Variants in GBF1 observed in about 807,000 individuals in gnomAD.
GBF1 encodes golgi brefeldin A resistant guanine nucleotide exchange factor 1.
GBF1 carries 114 observed loss-of-function variants against 210.5 expected under a neutral mutation model. The ratio of observed to expected loss-of-function variants is 0.54; its 90% CI spans 0.47 to 0.63. The LOEUF (loss-of-function observed/expected upper bound fraction) is 0.63. Among genes scored for constraint, GBF1 ranks in the 30% least tolerant of loss-of-function variants. GBF1 has a pLI of 0.00. For synonymous variants in GBF1, 850 were observed against 889.2 expected (o/e 0.96, Z 0.78); for missense variants, 1,851 against 2,357.7 (o/e 0.79, Z 4.45).
intron 4 of GBF1, among the ~76,000 whole-genome samples, chr10:102,346,425 T>C (rs1384948886): frequency 2.0e-5 from 3 of 152,256 alleles, no homozygotes; most frequent in Admixed American, 6.5e-5. Context: ...CCAGCAGTGA[T>C]TGAGAATTTC....
the GBF1 span, chr10:102,230,680 G>A: frequency 1.3e-6 from 2 of 1,580,058 alleles, no homozygotes; most frequent in Non-Finnish European, 1.7e-6. Flanking sequence ...AGAGGCGGCA[G>A]CCGCGGCGGC....
the GBF1 span, chr10:102,232,085 G>C: frequency 6.4e-7 from 1 of 1,554,508 alleles, no homozygotes; most frequent in Non-Finnish European, 8.8e-7. Context: ...CTCCATGGAG[G>C]GAGGGCTCTG....
intron 3 of GBF1, among the ~76,000 whole-genome samples, chr10:102,292,135 C>T (rs772069647): frequency 4.0e-5 from 6 of 151,816 alleles, no homozygotes; most frequent in Non-Finnish European, 7.4e-5. Flanking sequence ...GTGATCTGCC[C>T]GCCTCGGCCT....
chr10:102,353,982 A>G (rs938587018), intron 8 of GBF1, among the ~76,000 whole-genome samples: 1 of 152,194 alleles, frequency 6.6e-6, no homozygotes, highest in Non-Finnish European at 1.5e-5. Flanking sequence ...ACTTAGCCTT[A>G]TCCGCAGGTA....
In GBF1 at chr10:102,358,163, C is replaced by G. The variant is rs1324449144; in HGVS notation, c.764C>G (p.Thr255Ser). Residue 255 changes from threonine (T) to serine (S), a missense_variant, in exon 9 of 40, where the codon ACC (threonine) becomes AGC (serine). Transcript: ENST00000369983. ...PGSELPTPNG[T>S]TLSSNLTGGM... ...TCAGAGCTGCCCACTCCCAATGGAA[C>G]CACCTTATCATCTAACCTCACTGGT... 3.0e-5 allele frequency: 49 copies of G among 1,613,724 alleles called. No individual in the cohort carries two copies. The highest frequency in any genetic ancestry group is 4.2e-5 in the Non-Finnish European group (49 of 1,179,716).
intron 3 of GBF1, among the ~76,000 whole-genome samples, chr10:102,303,477 A>G (rs1038682273): frequency 6.6e-6 from 1 of 152,202 alleles, no homozygotes; most frequent in Admixed American, 6.5e-5. Flanking sequence ...TCTCCTAGAA[A>G]AAGCCTTACA....
rs1166402954 is a variant in GBF1, at chr10:102,363,783, T to C, written c.2091T>C (p.Ile697=). The part of the protein sequence containing the change: ...LLPDPRELIE[I]KNKKKLLITG... ...CAGATCCACGGGAACTAATTGAAAT[T>C]AAAAACAAAAAGAAGGTACATACAT... is the stretch of plus-strand genomic sequence containing the variant. Residue 697 remains isoleucine, a synonymous_variant, in exon 17 of 40, where the codon ATT becomes ATC. Coordinates refer to ENST00000369983, the MANE Select transcript of GBF1 (RefSeq NM_001377137.1). This position sits in a 1 kb window ranked among gnomAD's most constrained non-coding sequence, Gnocchi z 4.2. 6.2e-7 allele frequency: 1 copy of C among 1,608,020 alleles called. No homozygotes were observed. Among genetic ancestry groups the C allele is most frequent in the South Asian group, 1.1e-5 (1 of 90,932 alleles).
chr10:102,375,513 A>C lies in GBF1; in HGVS notation c.3815A>C (p.Glu1272Ala). Residue 1272 changes from glutamate to alanine, a missense_variant, in exon 30 of 40, where the codon GAG becomes GCG. By Grantham distance (107) the Glu-to-Ala change is moderately radical (BLOSUM62 -1). Transcript: ENST00000369983. ...TGGGCCACACTCTTCACACTGCTGGAGTGCATCGGCTCAGGTGTGAAGCCT... is the reference window on the plus strand; with the variant it reads ...TGGGCCACACTCTTCACACTGCTGGCGTGCATCGGCTCAGGTGTGAAGCCT... ...DDWATLFTLL[E>A]CIGSGVKPPA... is the part of the protein sequence containing the mutation. 9 of 1,614,076 alleles carry C rather than the reference A, an allele frequency of 5.6e-6. No individual in the cohort carries two copies. The highest frequency in any genetic ancestry group is 7.6e-6 in the Non-Finnish European group (9 of 1,179,920).
At chr10:102,321,515 T>A (rs2056394020) in intron 3 of GBF1, among the ~76,000 whole-genome samples, 1 of 152,238 alleles carries the variant, frequency 6.6e-6, no homozygotes, top group African/African-American at 2.4e-5. Context: ...GATTTATTTG[T>A]TGTAGTATTA....
upstream of GBF1, among the ~76,000 whole-genome samples, chr10:102,241,114 G>A (rs1195115473): frequency 6.6e-6 from 1 of 152,082 alleles, no homozygotes; most frequent in Non-Finnish European, 1.5e-5. The surrounding 1 kb of genome is among the most constrained non-coding windows in gnomAD (Gnocchi z 6.7). Flanking sequence ...GCTTCGTTCC[G>A]GATCCTCTGA....
chr10:102,275,634 T>C (rs576177440), intron 3 of GBF1, among the ~76,000 whole-genome samples: 48 of 152,352 alleles, frequency 3.2e-4, no homozygotes, highest in African/African-American at 1.1e-3. Flanking sequence ...TATCGTGTTC[T>C]GAATTTAAAG....
At chr10:102,254,052 C>G (rs1436887035) in intron 1 of GBF1, among the ~76,000 whole-genome samples, 1 of 152,186 alleles carries the variant, frequency 6.6e-6, no homozygotes, top group African/African-American at 2.4e-5. Context: ...GGATATTACT[C>G]CTTTATATTA....
chr10:102,271,199 G>A (rs1163573110), intron 3 of GBF1, among the ~76,000 whole-genome samples: 3 of 151,866 alleles, frequency 2.0e-5, no homozygotes, highest in Admixed American at 6.6e-5. Context: ...CACTGCGCCC[G>A]GCTAATTTTT....
intron 8 of GBF1, among the ~76,000 whole-genome samples, chr10:102,354,622 T>G (rs1397075313): frequency 6.6e-6 from 1 of 152,186 alleles, no homozygotes; most frequent in African/African-American, 2.4e-5. Flanking sequence ...TGATTGTAGC[T>G]TTGCAGTGTT....
chr10:102,237,780 T>A, the GBF1 span, among the ~76,000 whole-genome samples: 12 of 152,072 alleles, frequency 7.9e-5, no homozygotes, highest in East Asian at 1.9e-4. Context: ...AAGCTTTTTT[T>A]AATATAAAAC....
chr10:102,283,584 T>A (rs1388984693), intron 3 of GBF1, among the ~76,000 whole-genome samples: 1 of 152,198 alleles, frequency 6.6e-6, no homozygotes, highest in Non-Finnish European at 1.5e-5. Context: ...AGCAAAGATG[T>A]AACAGGTATT....
chr10:102,345,096 A>G (rs1244543558), intron 4 of GBF1, among the ~76,000 whole-genome samples: 2 of 151,634 alleles, frequency 1.3e-5, no homozygotes, highest in Non-Finnish European at 2.9e-5. Context: ...AGCCTGGCCA[A>G]CATGGTGAAA....
chr10:102,332,803 T>C (rs1049228499), intron 3 of GBF1, among the ~76,000 whole-genome samples: 2 of 152,220 alleles, frequency 1.3e-5, no homozygotes, highest in Admixed American at 6.5e-5. Context: ...AATCATACTT[T>C]GTCTCTTAAA....
chr10:102,242,105 A>T (rs866425661), upstream of GBF1, among the ~76,000 whole-genome samples: 12 of 151,620 alleles, frequency 7.9e-5, no homozygotes, highest in South Asian at 1.9e-3. Flanking sequence ...ACTTTAAAAG[A>T]CTCATTTCTC....
Sources: allele counts gnomAD v4.1 joint callset (sites outside exome capture counted in the v4.1 genomes callset), GRCh38; gene constraint gnomAD v4.1.1; non-coding constraint Gnocchi (gnomAD v3.1); transcripts MANE v1.5; gene names NCBI Gene and HGNC (gene_info 2026-07-23, HGNC 2026-07-21).